The following PDE4D variants were observed in gnomAD, a reference collection of about 807,000 sequenced individuals.
PDE4D encodes phosphodiesterase 4D, also known as 3',5'-cyclic-AMP phosphodiesterase 4D.
Under a neutral mutation model 87.4 loss-of-function variants are expected in PDE4D, and 24 were observed. That is an observed-to-expected ratio of 0.27 (90% CI 0.20 to 0.39). The LOEUF is 0.39. PDE4D is among the 10% of genes least tolerant of loss of function. The pLI is 1.00. For synonymous variants in PDE4D, 384 were observed against 383.2 expected, an observed-to-expected ratio of 1.00 and a Z score of -0.02; for missense variants, 714 against 1,041.0, an observed-to-expected ratio of 0.69 and a Z score of 4.32.
At chr5:60,164,191 A>T (rs967277097) in intron 2 of PDE4D, among the ~76,000 whole-genome samples, 1 of 152,144 alleles carries the variant, frequency 6.6e-6, no homozygotes, top group Admixed American at 6.6e-5. Flanking sequence ...CAAGCAATAG[A>T]TTGGGATATT....
At chr5:59,167,847 G>A (rs1011807661) in intron 5 of PDE4D, among the ~76,000 whole-genome samples, 8 of 152,080 alleles carry the variant, frequency 5.3e-5, no homozygotes, top group Non-Finnish European at 1.2e-4. Flanking sequence ...GGTCCTTGGA[G>A]CCTAAGCATA....
At chr5:59,804,691 AT>A (rs1166321602) in intron 1 of PDE4D, among the ~76,000 whole-genome samples, 1 of 152,210 alleles carries the variant, frequency 6.6e-6, no homozygotes, top group Middle Eastern at 3.2e-3. Flanking sequence ...ATATTACTTC[AT>A]TTCATAAAAC....
At chr5:59,806,095 G>C (rs1767700614) in intron 1 of PDE4D, among the ~76,000 whole-genome samples, 2 of 152,008 alleles carry the variant, frequency 1.3e-5, no homozygotes, top group Admixed American at 1.3e-4. Context: ...TTTGTTATTA[G>C]CCAGTTCAAT....
chr5:59,686,701 C>T (rs183010463), intron 1 of PDE4D, among the ~76,000 whole-genome samples: 8 of 152,036 alleles, frequency 5.3e-5, no homozygotes, highest in African/African-American at 1.9e-4. Context: ...AAATATTTAC[C>T]CACAGAGCAC....
chr5:59,725,069 C>G (rs1313714510), intron 1 of PDE4D, among the ~76,000 whole-genome samples: 1 of 152,036 alleles, frequency 6.6e-6, no homozygotes, highest in African/African-American at 2.4e-5. Flanking sequence ...GACTGACTAT[C>G]TCTCCAAGAT....
chr5:60,004,465 A>G (rs1161622538), intron 2 of PDE4D, among the ~76,000 whole-genome samples: 1 of 152,076 alleles, frequency 6.6e-6, no homozygotes, highest in African/African-American at 2.4e-5. Context: ...AAATAATTAT[A>G]CTATATTACT....
chr5:59,293,324 T>A (rs928474067), intron 1 of PDE4D, among the ~76,000 whole-genome samples: 9 of 152,094 alleles, frequency 5.9e-5, no homozygotes, highest in African/African-American at 2.2e-4. Context: ...AAGAATAGCA[T>A]TGCTGGTGGC....
intron 1 of PDE4D, chr5:60,429,999 A>G (rs1198951180): frequency 1.9e-6 from 1 of 520,668 alleles, no homozygotes; most frequent in Admixed American, 1.9e-5. Context: ...CTTTATCTTC[A>G]TTACATTTTC....
intron 1 of PDE4D, among the ~76,000 whole-genome samples, chr5:59,677,852 C>T (rs1217639268): frequency 6.6e-6 from 1 of 152,154 alleles, no homozygotes; most frequent in Non-Finnish European, 1.5e-5. Flanking sequence ...TTGTATTTCC[C>T]TAGTCTACAT....
chr5:59,077,474 T>TC (rs1765892120), intron 5 of PDE4D, among the ~76,000 whole-genome samples: 1 of 112,106 alleles, frequency 8.9e-6, no homozygotes, highest in East Asian at 4.2e-4. Flanking sequence ...TTTTTTTTCT[T>TC]CTTTTTTTTT....
intron 5 of PDE4D, among the ~76,000 whole-genome samples, chr5:59,098,697 CAAA>C (rs3061415): frequency 3.0e-5 from 2 of 67,018 alleles, no homozygotes; most frequent in Non-Finnish European, 5.3e-5. Context: ...GAGAAAGACT[CAAA>C]AAAAAAAAAA....
At chr5:60,104,198 A>G (rs1283907843) in intron 2 of PDE4D, among the ~76,000 whole-genome samples, 1 of 152,234 alleles carries the variant, frequency 6.6e-6, no homozygotes, top group African/African-American at 2.4e-5. Flanking sequence ...ACGGCACACC[A>G]GGAGATTACA....
At chr5:59,003,465 T>C (rs1750944929) in intron 6 of PDE4D, among the ~76,000 whole-genome samples, 1 of 152,190 alleles carries the variant, frequency 6.6e-6, no homozygotes, top group Non-Finnish European at 1.5e-5. Flanking sequence ...ATTTAAATCA[T>C]TCAAAGTACA....
intron 1 of PDE4D, among the ~76,000 whole-genome samples, chr5:59,285,751 G>T (rs1766819705): frequency 6.6e-6 from 1 of 152,158 alleles, no homozygotes; most frequent in Non-Finnish European, 1.5e-5. Context: ...TCAATTCAAA[G>T]AAATAACTTT....
Position 59,313,874 on chromosome 5 carries a change from A to G in PDE4D, c.456-97906T>C, listed in dbSNP as rs181073483. ...TTCCTTTCCACTGCAACAGCTATCA[A>G]AGTTCCTGGCACCTCTAGTTGGATA... On this transcript the variant is annotated intron_variant, in intron 1 of 14. Transcript: ENST00000340635. Among the ~76,000 whole-genome samples the G allele has an allele frequency of 2.6e-4, 40 of 152,240 alleles. No homozygotes were observed. The East Asian group carries it at 5.6e-3, about 21-fold the overall frequency.
At chr5:59,766,105 C>T (rs1051953857) in intron 1 of PDE4D, among the ~76,000 whole-genome samples, 3 of 152,160 alleles carry the variant, frequency 2.0e-5, no homozygotes, top group African/African-American at 7.2e-5. Context: ...TTTCAAAATT[C>T]TCCATAGTGC....
chr5:59,644,802 C>G (rs994151670), intron 1 of PDE4D, among the ~76,000 whole-genome samples: 3 of 152,182 alleles, frequency 2.0e-5, no homozygotes, highest in Non-Finnish European at 2.9e-5. Flanking sequence ...TTACAAATAG[C>G]ACATTCTGTT....
chr5:59,353,725 T>C (rs1562016907), intron 1 of PDE4D, among the ~76,000 whole-genome samples: 1 of 152,016 alleles, frequency 6.6e-6, no homozygotes, highest in Non-Finnish European at 1.5e-5. Flanking sequence ...GCTCCCCTCC[T>C]CTCCCCTGCC....
At chr5:59,249,582 A>T (rs763974444) in intron 1 of PDE4D, among the ~76,000 whole-genome samples, 34 of 152,130 alleles carry the variant, frequency 2.2e-4, no homozygotes, top group Non-Finnish European at 4.6e-4. Context: ...AAGTTACAAA[A>T]TCTTTTTAGG....
Sources: gnomAD v4.1 joint callset for allele counts (sites outside exome capture counted in the v4.1 genomes callset) on GRCh38, gnomAD v4.1.1 for gene constraint, MANE v1.5 for transcripts, NCBI Gene and HGNC (gene_info 2026-07-23, HGNC 2026-07-21) for gene names.